The following CDC14A variants were observed in gnomAD, a reference collection of about 807,000 sequenced individuals.
CDC14A encodes the protein dual specificity protein phosphatase CDC14A.
A neutral mutation model predicts 74.4 loss-of-function variants in CDC14A; 53 were observed. The observed-to-expected ratio is 0.71, with a 90% CI of 0.57 to 0.89. The LOEUF (loss-of-function observed/expected upper bound fraction) is 0.89. Among genes scored for constraint, CDC14A ranks in the 40% least tolerant of loss-of-function variants. The pLI is 0.00. For missense variants in CDC14A, 646 were observed against 713.7 expected (o/e 0.91, Z 1.08); for synonymous variants, 247 against 258.4 (o/e 0.96, Z 0.43).
At chr1:100,452,722 G>GT (rs990597511) in intron 7 of CDC14A, among the ~76,000 whole-genome samples, 126 of 151,808 alleles carry the variant, frequency 8.3e-4, no homozygotes, top group Non-Finnish European at 1.4e-3. Flanking sequence ...AACATCTATA[G>GT]TTTTTTTTGC....
chr1:100,393,359 A>G (rs1272703925), intron 4 of CDC14A: 11 of 905,962 alleles, frequency 1.2e-5, no homozygotes, highest in Non-Finnish European at 1.9e-5. Flanking sequence ...TAACTGCTTG[A>G]TGCTCTAACT....
At chr1:100,399,080 T>TA (rs1464736675) in intron 4 of CDC14A, among the ~76,000 whole-genome samples, 1 of 152,134 alleles carries the variant, frequency 6.6e-6, no homozygotes, top group African/African-American at 2.4e-5. Flanking sequence ...CCCTTACAAT[T>TA]AAAAAAACTT....
At chr1:100,402,345 G>A (rs1167453942) in intron 4 of CDC14A, among the ~76,000 whole-genome samples, 4 of 152,096 alleles carry the variant, frequency 2.6e-5, no homozygotes, top group African/African-American at 9.7e-5. Flanking sequence ...ACATTTAGAC[G>A]TATTCCCCAT....
intron 10 of CDC14A, among the ~76,000 whole-genome samples, chr1:100,472,719 T>A (rs916199619): frequency 1.1e-4 from 17 of 152,240 alleles, no homozygotes; most frequent in Admixed American, 9.1e-4. Context: ...CTGTGATGGA[T>A]TTTGAGGTTT....
intron 4 of CDC14A, among the ~76,000 whole-genome samples, chr1:100,407,707 T>TG (rs527757454): frequency 5.5e-4 from 84 of 152,330 alleles, no homozygotes; most frequent in Admixed American, 7.2e-4. Context: ...TTCTCTTGTC[T>TG]GATGGCCTTG....
At chr1:100,366,000 T>A in intron 2 of CDC14A, among the ~76,000 whole-genome samples, 1 of 151,728 alleles carries the variant, frequency 6.6e-6, no homozygotes, top group East Asian at 1.9e-4. Flanking sequence ...TTTTGGAGGA[T>A]ACTGCTATTT....
intron 13 of CDC14A, among the ~76,000 whole-genome samples, chr1:100,496,967 A>G (rs1487120536): frequency 2.6e-5 from 4 of 152,186 alleles, no homozygotes; most frequent in Non-Finnish European, 5.9e-5. Flanking sequence ...TCCACTTGGC[A>G]AATATTTATT....
chr1:100,353,034 G>T (rs780208477), intron 1 of CDC14A, 31 bp downstream of exon 1: 1 of 1,611,322 alleles, frequency 6.2e-7, no homozygotes, highest in South Asian at 1.1e-5. Context: ...ATCTTCCAAC[G>T]CTTTCTTGCC....
intron 15 of CDC14A, among the ~76,000 whole-genome samples, chr1:100,511,090 T>C (rs1553200198): frequency 5.3e-5 from 8 of 151,902 alleles, no homozygotes; most frequent in Non-Finnish European, 1.2e-4. Context: ...CTACCTGTAC[T>C]GTTCTTTCCA....
At chr1:100,390,632 G>T in intron 3 of CDC14A, 100 bp from the exon 4 acceptor site, 1 of 736,056 alleles carries the variant, frequency 1.4e-6, no homozygotes, top group Non-Finnish European at 2.3e-6. Context: ...AATTTTATGG[G>T]TTGTAGCACA....
rs1647558556 is a variant in CDC14A, at chr1:100,494,875, C to G, written c.1195C>G (p.Leu399Val). ...AAATGGTATAACCCAGGGAGACAAA[C>G]TACGTGCCTTAAAAAGTCAGAGACA... ...MKNGITQGDKLRALKSQRQPR... is the reference protein window; with the variant it reads ...MKNGITQGDKVRALKSQRQPR... Residue 399 changes from leucine to valine, a missense_variant, in exon 12 of 16, where the codon CTA becomes GTA. Physicochemically the swap from Leu to Val is conservative, Grantham distance 32. Transcript: ENST00000336454. 6.2e-7 allele frequency: 1 copy of G among 1,613,662 alleles called. No homozygotes were observed. The highest frequency in any genetic ancestry group is 8.5e-7 in the Non-Finnish European group (1 of 1,179,608).
At chr1:100,463,415 A>G (rs565216143) in intron 9 of CDC14A, among the ~76,000 whole-genome samples, 22 of 152,148 alleles carry the variant, frequency 1.4e-4, no homozygotes, top group Admixed American at 2.0e-4. Context: ...CCGCTAGCTT[A>G]CAATGCTGCT....
Position 100,411,077 on chromosome 1 carries a change from C to T in CDC14A, c.310-13145C>T, listed in dbSNP as rs147953697. ...TTAGAGAAGATCTCTCCCTGACCTA[C>T]CTAACCAGCCCACCCTTCTCCACTC... is the stretch of plus-strand genomic sequence containing the variant. On this transcript the variant is annotated intron_variant, in intron 4 of 15. Transcript: ENST00000336454. Among the ~76,000 whole-genome samples the T allele has an allele frequency of 2.2e-3, 335 of 152,280 alleles. 2 individuals are homozygous for T. Among genetic ancestry groups the T allele is most frequent in the Admixed American group, 3.2e-3 (49 of 15,298 alleles).
Position 100,519,612 on chromosome 1 carries a change from G to A in CDC14A, c.*1332G>A, listed in dbSNP as rs539642456. On this transcript the variant is annotated 3_prime_UTR_variant, in exon 16 of 16. Coordinates refer to ENST00000336454, the MANE Select transcript of CDC14A (RefSeq NM_003672.4). ...AGGGTACCTTGAGTCTATTATATAT[G>A]CTTCATCAAAACATCTTGTTCATGT... is the stretch of plus-strand genomic sequence containing the variant. 1.8e-4 allele frequency: 27 copies of A among 152,530 alleles called. No homozygotes were observed. Among genetic ancestry groups the A allele is most frequent in the African/African-American group, 5.8e-4 (24 of 41,504 alleles). 9.4% of individuals were successfully genotyped at this position (152,530 alleles called of 1,614,324 possible).
intron 5 of CDC14A, among the ~76,000 whole-genome samples, chr1:100,437,328 G>A (rs1664458804): frequency 6.6e-6 from 1 of 152,030 alleles, no homozygotes; most frequent in African/African-American, 2.4e-5. Context: ...CTGTGACTAC[G>A]TATGAGCCAC....
At chr1:100,409,660 C>G (rs1205739180) in intron 4 of CDC14A, among the ~76,000 whole-genome samples, 1 of 152,200 alleles carries the variant, frequency 6.6e-6, no homozygotes, top group Admixed American at 6.5e-5. Context: ...CTTAAAGCTC[C>G]AAAGTGATCT....
At chr1:100,434,831 G>T (rs1234606973) in intron 5 of CDC14A, among the ~76,000 whole-genome samples, 2 of 152,162 alleles carry the variant, frequency 1.3e-5, no homozygotes, top group African/African-American at 4.8e-5. Flanking sequence ...CATGTAGGTG[G>T]TTGGCTGTAC....
At chr1:100,518,111 C>A in intron 15 of CDC14A, 140 bp from the exon 16 acceptor site, 1 of 551,482 alleles carries the variant, frequency 1.8e-6, no homozygotes, top group Non-Finnish European at 3.3e-6. Context: ...TTTGTGTCTC[C>A]TGTCTTTTTG....
intron 14 of CDC14A, 123 bp from the exon 15 acceptor site, chr1:100,498,806 T>G: frequency 7.5e-7 from 1 of 1,330,534 alleles, no homozygotes; most frequent in Non-Finnish European, 1.0e-6. Flanking sequence ...ATCATTCACA[T>G]TGATCAGATT....
Sources: gnomAD v4.1 joint callset for allele counts (sites outside exome capture counted in the v4.1 genomes callset) on GRCh38, gnomAD v4.1.1 for gene constraint, MANE v1.5 for transcripts, NCBI Gene and HGNC (gene_info 2026-07-23, HGNC 2026-07-21) for gene names.